The following SPAG16 variants were observed in gnomAD, a reference collection of about 807,000 sequenced individuals.
SPAG16 encodes sperm-associated antigen 16 protein.
SPAG16 carries 86 observed loss-of-function variants against 80.4 expected under a neutral mutation model. That is an observed-to-expected ratio of 1.07 (90% CI 0.90 to 1.28). The LOEUF (loss-of-function observed/expected upper bound fraction) is 1.28. Among genes scored for constraint, SPAG16 ranks in the 50% most tolerant of loss-of-function variants. SPAG16 has a pLI of 0.00. For missense variants in SPAG16, 870 were observed against 765.3 expected (o/e 1.14, Z -1.61); for synonymous variants, 294 against 265.9 (o/e 1.11, Z -1.03).
intron 15 of SPAG16, among the ~76,000 whole-genome samples, chr2:214,161,286 A>C (rs996026081): frequency 1.3e-5 from 2 of 152,156 alleles, no homozygotes; most frequent in Non-Finnish European, 2.9e-5. Context: ...TCTTTGTAAT[A>C]GAATGATTTA....
At chr2:213,938,352 A>G (rs2079070711) in intron 12 of SPAG16, among the ~76,000 whole-genome samples, 1 of 151,926 alleles carries the variant, frequency 6.6e-6, no homozygotes, top group Admixed American at 6.5e-5. Flanking sequence ...AATGAAAATC[A>G]CGTTTGTTTT....
intron 9 of SPAG16, among the ~76,000 whole-genome samples, chr2:213,472,566 G>A (rs1267962183): frequency 1.3e-5 from 2 of 152,202 alleles, no homozygotes; most frequent in African/African-American, 4.8e-5. Context: ...GGTAGAGGCA[G>A]CTCTAATGAC....
At chr2:213,622,932 A>G (rs2061837625) in intron 10 of SPAG16, among the ~76,000 whole-genome samples, 1 of 152,148 alleles carries the variant, frequency 6.6e-6, no homozygotes, top group South Asian at 2.1e-4. Flanking sequence ...TAATTTGTGT[A>G]AGTTCTTGGG....
intron 10 of SPAG16, among the ~76,000 whole-genome samples, chr2:213,524,231 T>C (rs1045489809): frequency 2.0e-5 from 3 of 152,078 alleles, no homozygotes; most frequent in Non-Finnish European, 2.9e-5. Context: ...TTCCATGTAG[T>C]GTTGAGCCTG....
intron 9 of SPAG16, among the ~76,000 whole-genome samples, chr2:213,388,704 A>G (rs576974658): frequency 9.2e-5 from 14 of 152,360 alleles, no homozygotes; most frequent in African/African-American, 3.1e-4. Flanking sequence ...ATAAACAATC[A>G]GAACAGGAAA....
chr2:214,292,841 G>A (rs577307714), intron 15 of SPAG16, among the ~76,000 whole-genome samples: 1 of 152,248 alleles, frequency 6.6e-6, no homozygotes, highest in Non-Finnish European at 1.5e-5. Flanking sequence ...ATATGTTGTT[G>A]GTTGGGTAGA....
At chr2:214,346,302 A>C (rs1052088500) in intron 15 of SPAG16, among the ~76,000 whole-genome samples, 1 of 152,184 alleles carries the variant, frequency 6.6e-6, no homozygotes, top group African/African-American at 2.4e-5. Context: ...ATTTTATTAT[A>C]GTTTAAATGT....
chr2:213,768,873 C>T (rs2069094085), intron 10 of SPAG16, among the ~76,000 whole-genome samples: 1 of 151,906 alleles, frequency 6.6e-6, no homozygotes, highest in Non-Finnish European at 1.5e-5. Context: ...CATCTGAACA[C>T]AAAAACTTTA....
At chr2:213,849,031 G>A (rs1455306612) in intron 10 of SPAG16, among the ~76,000 whole-genome samples, 1 of 152,082 alleles carries the variant, frequency 6.6e-6, no homozygotes, top group Non-Finnish European at 1.5e-5. Flanking sequence ...ATACCTGAGG[G>A]TGGGTAATTT....
In SPAG16 at chr2:213,447,751, C is replaced by T. The variant is rs116164627; in HGVS notation, c.943-42212C>T. Among the ~76,000 whole-genome samples the T allele has an allele frequency of 2.1e-3, 313 of 152,264 alleles. 2 individuals carry two copies. Among genetic ancestry groups the T allele is most frequent in the African/African-American group, 7.3e-3 (302 of 41,556 alleles). ...TTAGTAGGAAATAGCAAACTTTGGA[C>T]GAATAATCAAACTGTCCAATGCATT... On this transcript the variant is annotated intron_variant, in intron 9 of 15. Coordinates refer to ENST00000331683, the MANE Select transcript of SPAG16 (RefSeq NM_024532.5).
At chr2:213,792,184 G>A (rs544586987) in intron 10 of SPAG16, among the ~76,000 whole-genome samples, 1 of 152,256 alleles carries the variant, frequency 6.6e-6, no homozygotes, top group South Asian at 2.1e-4. Flanking sequence ...CTTTGCAATG[G>A]CTCATAGTAT....
At chr2:213,919,746 A>G (rs2078125686) in intron 11 of SPAG16, among the ~76,000 whole-genome samples, 1 of 152,178 alleles carries the variant, frequency 6.6e-6, no homozygotes, top group African/African-American at 2.4e-5. Context: ...GCATGTGGCA[A>G]TGAGAAGAGT....
intron 15 of SPAG16, among the ~76,000 whole-genome samples, chr2:214,394,212 C>G (rs1457034645): frequency 6.6e-6 from 1 of 151,844 alleles, no homozygotes; most frequent in East Asian, 1.9e-4. Flanking sequence ...GGCTTTTTTT[C>G]TCTCTCTCTT....
intron 15 of SPAG16, among the ~76,000 whole-genome samples, chr2:214,341,701 AATATCAGGATAAGCAC>A (rs1167092077): frequency 2.0e-5 from 3 of 152,222 alleles, no homozygotes; most frequent in African/African-American, 7.2e-5. Context: ...ACCCTGAAGC[AATATCAGGATAAGCAC>A]ATTTTCAGAC....
At chr2:214,299,421 T>C (rs1027059617) in intron 15 of SPAG16, among the ~76,000 whole-genome samples, 19 of 151,866 alleles carry the variant, frequency 1.3e-4, no homozygotes, top group Non-Finnish European at 2.5e-4. Context: ...AGATAATTTT[T>C]GTATTTTTAG....
chr2:213,423,068 T>C (rs1243941926), intron 9 of SPAG16, among the ~76,000 whole-genome samples: 4 of 152,238 alleles, frequency 2.6e-5, no homozygotes, highest in Non-Finnish European at 5.9e-5. Flanking sequence ...GACAGAAGTG[T>C]AAGGGTTTGG....
chr2:213,848,236 A>G (rs1402677698), intron 10 of SPAG16, among the ~76,000 whole-genome samples: 6 of 152,172 alleles, frequency 3.9e-5, no homozygotes, highest in African/African-American at 1.4e-4. Context: ...TTTCCTACCC[A>G]CAGTGAGTAG....
intron 15 of SPAG16, among the ~76,000 whole-genome samples, chr2:214,229,960 G>A (rs1463338422): frequency 6.6e-6 from 1 of 151,766 alleles, no homozygotes; most frequent in African/African-American, 2.4e-5. Context: ...CTCATATTCA[G>A]TTTTCTCTTA....
At chr2:213,914,736 A>G (rs1416002009) in intron 11 of SPAG16, among the ~76,000 whole-genome samples, 1 of 152,190 alleles carries the variant, frequency 6.6e-6, no homozygotes, top group East Asian at 1.9e-4. Context: ...CTGATCGATG[A>G]GTGATATTGA....
Sources: gnomAD v4.1 joint callset for allele counts (sites outside exome capture counted in the v4.1 genomes callset) on GRCh38, gnomAD v4.1.1 for gene constraint, MANE v1.5 for transcripts, NCBI Gene and HGNC (gene_info 2026-07-23, HGNC 2026-07-21) for gene names.